TULP4: variants seen among roughly 807,000 people sequenced by gnomAD.
TULP4 encodes tubby-related protein 4.
In TULP4, 16 loss-of-function variants were observed where a neutral mutation model predicts 129.0. That is an observed-to-expected ratio of 0.12 (90% CI 0.08 to 0.19). The LOEUF (loss-of-function observed/expected upper bound fraction) is 0.19, where lower values mean the gene tolerates loss of function less well. Among genes scored for constraint, TULP4 ranks in the 10% least tolerant of loss-of-function variants. The pLI is 1.00. For missense variants in TULP4, 1,842 were observed against 2,059.1 expected (o/e 0.89, Z 2.04); for synonymous variants, 998 against 854.0 (o/e 1.17, Z -2.94).
At chr6:158,361,792 C>T (rs2114837899) in intron 1 of TULP4, among the ~76,000 whole-genome samples, 1 of 152,258 alleles carries the variant, frequency 6.6e-6, no homozygotes, top group East Asian at 1.9e-4. Flanking sequence ...ATTTTTACTT[C>T]TATATTGACT....
chr6:158,449,401 G>T (rs1248062301), intron 4 of TULP4, among the ~76,000 whole-genome samples: 2 of 152,076 alleles, frequency 1.3e-5, no homozygotes, highest in Non-Finnish European at 2.9e-5. Context: ...TGGTCGAATT[G>T]ATTACACTTA....
intron 5 of TULP4, among the ~76,000 whole-genome samples, chr6:158,454,753 A>G (rs1779254882): frequency 6.6e-6 from 1 of 151,680 alleles, no homozygotes; most frequent in Non-Finnish European, 1.5e-5. Flanking sequence ...TTACAGGCGC[A>G]TGCCACCACG....
intron 1 of TULP4, chr6:158,398,090 T>C (rs907730882): frequency 2.6e-5 from 4 of 152,242 alleles, no homozygotes; most frequent in African/African-American, 7.2e-5. Flanking sequence ...TAGATACAGA[T>C]GTTTTGTAAG....
chr6:158,273,243 G>A (rs1778581508), intron 1 of TULP4, among the ~76,000 whole-genome samples: 1 of 152,182 alleles, frequency 6.6e-6, no homozygotes, highest in African/African-American at 2.4e-5. Context: ...CCTTTCTGCA[G>A]GCCCTCTCTT....
At chr6:158,273,611 ATTC>A (rs994686835) in intron 1 of TULP4, among the ~76,000 whole-genome samples, 69 of 152,286 alleles carry the variant, frequency 4.5e-4, no homozygotes, top group African/African-American at 1.4e-3. Flanking sequence ...GCCCTGTCCC[ATTC>A]TTCTTCAGCT....
At chr6:158,415,583 A>T (rs1446877624) in intron 2 of TULP4, among the ~76,000 whole-genome samples, 1 of 148,328 alleles carries the variant, frequency 6.7e-6, no homozygotes, top group Non-Finnish European at 1.5e-5. Flanking sequence ...GATGGTCTCG[A>T]TCTCCTGACC....
At position 158,510,373 on chromosome 6, in the gene TULP4, T is replaced by C. The variant is rs1160251296; in HGVS notation, c.*3679T>C. 1 of 152,226 alleles carries C rather than the reference T, an allele frequency of 6.6e-6. No homozygotes were observed. Among genetic ancestry groups the C allele is most frequent in the African/African-American group, 2.4e-5 (1 of 41,454 alleles). The allele number at this position is 152,226 out of a possible 1,614,324, so 9.4% of individuals were successfully genotyped here. On this transcript the variant is annotated 3_prime_UTR_variant, in exon 14 of 14. Coordinates refer to ENST00000367097, the MANE Select transcript of TULP4 (RefSeq NM_020245.5). The stretch of plus-strand genomic sequence containing the variant: ...AAGCCTGCTCTGCCACAGGGTTGGA[T>C]GGTGACCTTGGGCAAGTCCCTGGGG...
rs867917267 is a variant in TULP4, at chr6:158,332,150, C to T, written c.252+17882C>T. 1.8e-3 allele frequency among the ~76,000 whole-genome samples: 230 copies of T among 125,924 alleles called. 1 individual carries two copies. The highest frequency in any genetic ancestry group is 5.6e-3 in the Middle Eastern group (1 of 180). 82.6% of individuals were successfully genotyped at this position (125,924 alleles called of 152,430 possible). On this transcript the variant is annotated intron_variant, in intron 1 of 13. Transcript: ENST00000367097. Reference sequence around the variant, plus strand: ...TCACGCCACTGCACTTCAGCCTGGTCGACAGAGTAAGACTCTGTCAAAAAA... The same window carrying T: ...TCACGCCACTGCACTTCAGCCTGGTTGACAGAGTAAGACTCTGTCAAAAAA...
chr6:158,397,742 C>G (rs1165746589), intron 1 of TULP4: 1 of 152,140 alleles, frequency 6.6e-6, no homozygotes, highest in African/African-American at 2.4e-5. Flanking sequence ...CCCACGTGGC[C>G]GTGAAGCATG....
intron 1 of TULP4, among the ~76,000 whole-genome samples, chr6:158,368,121 C>T (rs952277590): frequency 7.0e-6 from 1 of 142,408 alleles, no homozygotes; most frequent in Admixed American, 7.0e-5. Flanking sequence ...TTGAGTTGTA[C>T]GTGGACATTT....
At chr6:158,401,616 T>C (rs1777851492) in intron 1 of TULP4, among the ~76,000 whole-genome samples, 1 of 80,278 alleles carries the variant, frequency 1.2e-5, no homozygotes, top group Non-Finnish European at 2.7e-5. Context: ...AGTCAAGCTG[T>C]GGGCCCAGGG....
chr6:158,341,246 T>C (rs746949950), intron 1 of TULP4, among the ~76,000 whole-genome samples: 4 of 152,180 alleles, frequency 2.6e-5, no homozygotes, highest in Non-Finnish European at 5.9e-5. Context: ...GTTCCATCCA[T>C]GTTGTTGTAA....
chr6:158,322,287 A>G (rs1485150153), intron 1 of TULP4, among the ~76,000 whole-genome samples: 2 of 152,204 alleles, frequency 1.3e-5, no homozygotes, highest in Admixed American at 6.5e-5. Flanking sequence ...AATGGTGGAT[A>G]TAATGGAGGG....
At chr6:158,373,789 A>C (rs572831762) in intron 1 of TULP4, among the ~76,000 whole-genome samples, 1 of 152,274 alleles carries the variant, frequency 6.6e-6, no homozygotes, top group South Asian at 2.1e-4. Context: ...CCATGTTAAT[A>C]TATTCAGCAA....
intron 6 of TULP4, among the ~76,000 whole-genome samples, chr6:158,466,294 A>G (rs1018437655): frequency 1.3e-5 from 2 of 152,148 alleles, no homozygotes; most frequent in African/African-American, 4.8e-5. Context: ...TTTTTGGTTT[A>G]CAAGCGGCAC....
intron 6 of TULP4, among the ~76,000 whole-genome samples, chr6:158,466,435 T>C (rs950654229): frequency 5.7e-5 from 1 of 17,402 alleles, no homozygotes; most frequent in African/African-American, 2.6e-4. Flanking sequence ...CATTGTGGTT[T>C]TGATTTGCAT....
intron 1 of TULP4, chr6:158,242,553 A>G: frequency 1.3e-6 from 1 of 744,346 alleles, no homozygotes; most frequent in South Asian, 1.4e-5. Flanking sequence ...AATTCTGTTG[A>G]GCCTGTACTC....
intron 8 of TULP4, among the ~76,000 whole-genome samples, chr6:158,485,997 A>G (rs1383988512): frequency 6.6e-6 from 1 of 152,228 alleles, no homozygotes; most frequent in African/African-American, 2.4e-5. Flanking sequence ...TTAGGTGACA[A>G]TTTAAATGAG....
intron 6 of TULP4, among the ~76,000 whole-genome samples, chr6:158,473,535 T>C (rs955640141): frequency 8.5e-5 from 13 of 152,224 alleles, no homozygotes; most frequent in African/African-American, 3.1e-4. Flanking sequence ...TTGTTTGTTT[T>C]TAGACAGAGT....
Sources: gnomAD v4.1 joint callset for allele counts (sites outside exome capture counted in the v4.1 genomes callset) on GRCh38, gnomAD v4.1.1 for gene constraint, MANE v1.5 for transcripts, NCBI Gene and HGNC (gene_info 2026-07-23, HGNC 2026-07-21) for gene names.